Variants in PCDH15 observed in about 807,000 individuals in gnomAD.
PCDH15 encodes protocadherin-15.
Under a neutral mutation model 178.5 loss-of-function variants are expected in PCDH15, and 129 were observed. The observed-to-expected ratio is 0.72, with a 90% CI of 0.63 to 0.84. PCDH15 has a LOEUF of 0.84. PCDH15 is among the 40% of genes least tolerant of loss of function. The pLI, the probability that PCDH15 is intolerant of heterozygous loss-of-function variation, is 0.00. For synonymous variants in PCDH15, 800 were observed against 732.0 expected, an observed-to-expected ratio of 1.09 and a Z score of -1.50; for missense variants, 2,230 against 2,099.9, an observed-to-expected ratio of 1.06 and a Z score of -1.21.
intron 8 of PCDH15, among the ~76,000 whole-genome samples, chr10:54,271,402 G>T (rs913369775): frequency 1.3e-5 from 2 of 151,996 alleles, no homozygotes; most frequent in Non-Finnish European, 2.9e-5. Context: ...TAGAGACAGG[G>T]TGTCACCAAA....
At chr10:54,569,809 C>A (rs2089545252) in intron 2 of PCDH15, among the ~76,000 whole-genome samples, 1 of 152,078 alleles carries the variant, frequency 6.6e-6, no homozygotes, top group South Asian at 2.1e-4. Flanking sequence ...CATCAAGATT[C>A]TTTTAGTTTC....
intron 18 of PCDH15, 72 bp from the exon 19 acceptor site, chr10:54,023,269 T>A: frequency 7.1e-7 from 1 of 1,417,466 alleles, no homozygotes. Context: ...AAGGTAACAG[T>A]TAACAAATTA....
At chr10:55,402,949 G>A (rs1036802584) in intron 2 of PCDH15, among the ~76,000 whole-genome samples, 1 of 151,946 alleles carries the variant, frequency 6.6e-6, no homozygotes, top group African/African-American at 2.4e-5. Flanking sequence ...AACAGTATAT[G>A]AGAGTTTTTC....
intron 21 of PCDH15, among the ~76,000 whole-genome samples, chr10:53,992,004 A>G (rs1211612519): frequency 6.6e-6 from 1 of 152,104 alleles, no homozygotes; most frequent in Non-Finnish European, 1.5e-5. Flanking sequence ...TGCTCTTTGC[A>G]ATAAATCTTG....
intron 3 of PCDH15, among the ~76,000 whole-genome samples, chr10:54,522,415 CAG>C (rs1329928716): frequency 6.6e-6 from 1 of 152,198 alleles, no homozygotes; most frequent in Non-Finnish European, 1.5e-5. Context: ...TATTCATCTT[CAG>C]AGTCTTTGAA....
chr10:54,195,558 A>C, intron 11 of PCDH15, 125 bp downstream of exon 11: 1 of 793,148 alleles, frequency 1.3e-6, no homozygotes, highest in Non-Finnish European at 2.1e-6. Context: ...ATAACACTAA[A>C]ACTCACTTAC....
intron 3 of PCDH15, among the ~76,000 whole-genome samples, chr10:54,870,740 C>A (rs111424370): frequency 1.3e-5 from 2 of 151,532 alleles, no homozygotes; most frequent in African/African-American, 2.4e-5. Flanking sequence ...GAGCCGAGAT[C>A]GCACCACTGC....
chr10:54,467,379 C>T (rs1005623213), intron 3 of PCDH15, among the ~76,000 whole-genome samples: 1 of 151,446 alleles, frequency 6.6e-6, no homozygotes, highest in South Asian at 2.1e-4. Context: ...TTAAATTTTC[C>T]CTATTTCTCT....
chr10:53,981,329 G>C (rs1412921914), intron 21 of PCDH15, among the ~76,000 whole-genome samples: 2 of 152,168 alleles, frequency 1.3e-5, no homozygotes, highest in Non-Finnish European at 2.9e-5. Flanking sequence ...AATTACTACA[G>C]AAGGTAATTG....
At chr10:55,624,977 C>A (rs1315029575) in intron 2 of PCDH15, among the ~76,000 whole-genome samples, 1 of 152,074 alleles carries the variant, frequency 6.6e-6, no homozygotes, top group Non-Finnish European at 1.5e-5. Context: ...GTGACCTGAA[C>A]TGCTTTGCAT....
At position 53,866,686 on chromosome 10, in the gene PCDH15, T is replaced by C. The variant is rs61731381; in HGVS notation, c.3673A>G (p.Thr1225Ala). The C allele has an allele frequency of 3.0e-5, 48 of 1,613,552 alleles. No individual in the cohort carries two copies. In the African/African-American group the frequency reaches 6.0e-4, roughly 20 times the overall value. The part of the protein sequence containing the change: ...RSYFKFQVIA[T>A]DDYGKGLSGK... Reference sequence around the variant, plus strand: ...CTCAGTCCCTTCCCATAGTCGTCAGTTGCAATAACTTGAAACTTGAAGTAG... The same window carrying C: ...CTCAGTCCCTTCCCATAGTCGTCAGCTGCAATAACTTGAAACTTGAAGTAG... The change falls in exon 27 of 38, where the codon ACT (threonine) becomes GCT (alanine). Residue 1225 changes from threonine to alanine, a missense_variant. Thr to Ala is a moderately conservative substitution (Grantham distance 58). Transcript: ENST00000644397.
intron 1 of PCDH15, among the ~76,000 whole-genome samples, chr10:55,266,089 G>A (rs1016428763): frequency 1.3e-5 from 2 of 152,188 alleles, no homozygotes; most frequent in African/African-American, 4.8e-5. Flanking sequence ...ACACCTCAGG[G>A]TACAATGTTG....
chr10:54,290,578 C>T (rs192744406), intron 8 of PCDH15, among the ~76,000 whole-genome samples: 1 of 152,200 alleles, frequency 6.6e-6, no homozygotes, highest in East Asian at 1.9e-4. Context: ...GCTAAATGTC[C>T]TAATTAAAAG....
At chr10:55,260,066 T>C (rs1842110407) in intron 1 of PCDH15, among the ~76,000 whole-genome samples, 1 of 150,962 alleles carries the variant, frequency 6.6e-6, no homozygotes, top group Non-Finnish European at 1.5e-5. Context: ...CAATAAAGAG[T>C]GAAAGACAGA....
At chr10:55,540,728 C>A (rs932210188) in intron 2 of PCDH15, among the ~76,000 whole-genome samples, 1 of 151,936 alleles carries the variant, frequency 6.6e-6, no homozygotes, top group African/African-American at 2.4e-5. Flanking sequence ...CGAATATGTT[C>A]CCCAATATTA....
In PCDH15 at chr10:53,822,719, G is replaced by A. The variant is rs2132499389; in HGVS notation, c.4368-2489C>T. The stretch of plus-strand genomic sequence containing the variant: ...AAACAGTTGGCAAAGTGGAGAATGA[G>A]AAGTGAGGCCTGGGAAAGCAAAATG... On this transcript the variant is annotated intron_variant, in intron 32 of 37. Transcript: ENST00000644397. The A allele has an allele frequency of 1.2e-6, 2 of 1,614,094 alleles. No homozygotes were observed. The highest frequency in any genetic ancestry group is 8.5e-7 in the Non-Finnish European group (1 of 1,179,966).
At chr10:55,384,474 G>C (rs1466215561) in intron 2 of PCDH15, among the ~76,000 whole-genome samples, 1 of 152,060 alleles carries the variant, frequency 6.6e-6, no homozygotes, top group East Asian at 1.9e-4. Context: ...TCCTCATTCT[G>C]ATGGAAAAAT....
chr10:55,251,299 AG>A (rs1393607761), intron 1 of PCDH15, among the ~76,000 whole-genome samples: 1 of 152,072 alleles, frequency 6.6e-6, no homozygotes. Flanking sequence ...TATCAGTATA[AG>A]GATTATTTTT....
chr10:54,102,285 A>G (rs1266184023), intron 15 of PCDH15, among the ~76,000 whole-genome samples: 3 of 152,166 alleles, frequency 2.0e-5, no homozygotes, highest in Non-Finnish European at 4.4e-5. Flanking sequence ...TATCACCCCC[A>G]GCAATGTGCT....
Sources: allele counts gnomAD v4.1 joint callset (sites outside exome capture counted in the v4.1 genomes callset), GRCh38; gene constraint gnomAD v4.1.1; transcripts MANE v1.5; gene names NCBI Gene and HGNC (gene_info 2026-07-23, HGNC 2026-07-21).